SHISA9: variants seen among roughly 807,000 people sequenced by gnomAD.
SHISA9 encodes protein shisa-9.
A neutral mutation model predicts 38.0 loss-of-function variants in SHISA9; 13 were observed. The observed-to-expected ratio is 0.34, with a 90% CI of 0.22 to 0.54. The LOEUF is 0.54. Among genes scored for constraint, SHISA9 ranks in the 20% least tolerant of loss-of-function variants. SHISA9 has a pLI of 0.91. For missense variants in SHISA9, 538 were observed against 575.8 expected (o/e 0.93, Z 0.67); for synonymous variants, 275 against 242.0 (o/e 1.14, Z -1.27).
chr16:13,524,373 A>T, the SHISA9 span, among the ~76,000 whole-genome samples: 1 of 152,254 alleles, frequency 6.6e-6, no homozygotes, highest in Non-Finnish European at 1.5e-5. Context: ...CTGGCCATAT[A>T]TGTCTGAGCA....
intron 2 of SHISA9, among the ~76,000 whole-genome samples, chr16:13,053,159 C>T (rs1054913239): frequency 3.3e-5 from 5 of 151,854 alleles, no homozygotes; most frequent in South Asian, 4.2e-4. Context: ...GATGGGGTTT[C>T]GCCATGTTGG....
chr16:13,363,497 A>C, the SHISA9 span, among the ~76,000 whole-genome samples: 490 of 152,344 alleles, frequency 3.2e-3, 1 homozygote, highest in Non-Finnish European at 5.4e-3. Context: ...GGATGTCAGC[A>C]GCTGAACTGG....
At chr16:13,042,635 T>C (rs1261030825) in intron 2 of SHISA9, among the ~76,000 whole-genome samples, 1 of 152,208 alleles carries the variant, frequency 6.6e-6, no homozygotes, top group African/African-American at 2.4e-5. Flanking sequence ...CTAGAATGTT[T>C]GTGGGTACTA....
In SHISA9 at chr16:13,011,094, G is replaced by C. The variant is rs374623256; in HGVS notation, c.691+94279G>C. Among the ~76,000 whole-genome samples the C allele has an allele frequency of 1.6e-4, 24 of 152,294 alleles. No homozygotes were observed. In the East Asian group the frequency reaches 3.3e-3, roughly 21 times the overall value. Reference sequence around the variant, plus strand: ...GGCAGCAGTGAACCAGAGAGACTAAGAGCCTGTTGTAATGGAGTTTACGTT... The same window carrying C: ...GGCAGCAGTGAACCAGAGAGACTAACAGCCTGTTGTAATGGAGTTTACGTT... On this transcript the variant is annotated intron_variant, in intron 2 of 4. Transcript: ENST00000558583.
At chr16:12,967,271 A>G (rs1379628471) in intron 2 of SHISA9, among the ~76,000 whole-genome samples, 1 of 152,194 alleles carries the variant, frequency 6.6e-6, no homozygotes, top group Non-Finnish European at 1.5e-5. Context: ...GACATAGATG[A>G]AGCTGGAAAC....
intron 2 of SHISA9, among the ~76,000 whole-genome samples, chr16:13,190,858 C>A (rs572901474): frequency 6.6e-6 from 1 of 152,008 alleles, no homozygotes; most frequent in South Asian, 2.1e-4. Context: ...CATATAAACT[C>A]TTGGGTAACA....
At chr16:12,920,314 G>GTA (rs985498391) in intron 2 of SHISA9, among the ~76,000 whole-genome samples, 1,679 of 151,434 alleles carry the variant, frequency 0.011, 29 homozygotes, top group African/African-American at 0.034. Context: ...AGAACTTAAA[G>GTA]TATATATATA....
At chr16:13,438,579 A>T in the SHISA9 span, among the ~76,000 whole-genome samples, 6 of 152,216 alleles carry the variant, frequency 3.9e-5, no homozygotes, top group Non-Finnish European at 8.8e-5. Context: ...CAGAAATGTA[A>T]CTGAAAAATT....
the SHISA9 span, among the ~76,000 whole-genome samples, chr16:13,428,283 AAAAC>A: frequency 6.6e-6 from 1 of 152,170 alleles, no homozygotes; most frequent in Admixed American, 6.5e-5. Flanking sequence ...ACTAGCAAGA[AAAAC>A]AAAGAAAGAG....
the SHISA9 span, among the ~76,000 whole-genome samples, chr16:13,496,420 A>T: frequency 6.6e-6 from 1 of 152,172 alleles, no homozygotes; most frequent in African/African-American, 2.4e-5. Context: ...TACAACTAGA[A>T]TAAGATGAAA....
intron 2 of SHISA9, among the ~76,000 whole-genome samples, chr16:13,202,520 G>T (rs565062009): frequency 8.0e-6 from 1 of 125,108 alleles, no homozygotes; most frequent in South Asian, 2.4e-4. Context: ...ATACACATAG[G>T]TTATATTACT....
chr16:13,491,084 A>T, the SHISA9 span, among the ~76,000 whole-genome samples: 1 of 152,342 alleles, frequency 6.6e-6, no homozygotes, highest in East Asian at 1.9e-4. Flanking sequence ...AAACCCTGAA[A>T]AATAGGCTCT....
the SHISA9 span, among the ~76,000 whole-genome samples, chr16:13,476,745 T>TTTTG: frequency 3.6e-5 from 4 of 110,414 alleles, no homozygotes; most frequent in African/African-American, 1.7e-4. Flanking sequence ...TGTGTTTTTT[T>TTTTG]TTTTTTTTTT....
chr16:13,342,541 C>T, the SHISA9 span, among the ~76,000 whole-genome samples: 3 of 152,210 alleles, frequency 2.0e-5, no homozygotes, highest in African/African-American at 7.2e-5. Context: ...CCCTCTCGGC[C>T]TTCTGAAGTG....
intron 2 of SHISA9, among the ~76,000 whole-genome samples, chr16:12,945,008 T>G (rs754376414): frequency 5.9e-5 from 9 of 151,976 alleles, no homozygotes; most frequent in Non-Finnish European, 1.3e-4. Flanking sequence ...TGCCCCAGAG[T>G]CATTGCAATT....
At chr16:13,107,279 C>CA (rs2073934853) in intron 2 of SHISA9, among the ~76,000 whole-genome samples, 1 of 151,692 alleles carries the variant, frequency 6.6e-6, no homozygotes, top group Admixed American at 6.6e-5. Flanking sequence ...TAAAAAAATA[C>CA]AAAAAATCAG....
the SHISA9 span, among the ~76,000 whole-genome samples, chr16:13,548,151 C>T: frequency 1.3e-5 from 2 of 152,088 alleles, no homozygotes; most frequent in Non-Finnish European, 2.9e-5. Flanking sequence ...GCTTGAATAA[C>T]TAAATATCCA....
At chr16:13,298,178 C>G in the SHISA9 span, among the ~76,000 whole-genome samples, 1 of 152,106 alleles carries the variant, frequency 6.6e-6, no homozygotes, top group Non-Finnish European at 1.5e-5. Context: ...AGAGATGCTC[C>G]CTTCATTATA....
chr16:13,211,247 A>T (rs2051116539), intron 3 of SHISA9, among the ~76,000 whole-genome samples: 1 of 151,992 alleles, frequency 6.6e-6, no homozygotes, highest in South Asian at 2.1e-4. Context: ...TGGAGGTTCC[A>T]GTGAGTCGAG....
Sources: allele counts gnomAD v4.1 joint callset (sites outside exome capture counted in the v4.1 genomes callset), GRCh38; gene constraint gnomAD v4.1.1; transcripts MANE v1.5; gene names NCBI Gene and HGNC (gene_info 2026-07-23, HGNC 2026-07-21).